COL4A4: variants seen among roughly 807,000 people sequenced by gnomAD.
The protein encoded by COL4A4 is collagen type IV alpha 4 chain.
A neutral mutation model predicts 192.9 loss-of-function variants in COL4A4; 105 were observed. The observed-to-expected ratio is 0.54, with a 90% CI of 0.46 to 0.64. The LOEUF is 0.64. Among genes scored for constraint, COL4A4 ranks in the 30% least tolerant of loss-of-function variants. The pLI, the probability that COL4A4 is intolerant of heterozygous loss-of-function variation, is 0.00. For synonymous variants in COL4A4, 762 were observed against 769.9 expected, an observed-to-expected ratio of 0.99 and a Z score of 0.17; for missense variants, 1,967 against 2,169.3, an observed-to-expected ratio of 0.91 and a Z score of 1.85.
intron 1 of COL4A4, among the ~76,000 whole-genome samples, chr2:227,162,834 A>G (rs1336359843): frequency 6.6e-6 from 1 of 152,230 alleles, no homozygotes; most frequent in Non-Finnish European, 1.5e-5. Context: ...ATTCTAATGC[A>G]CAACGATAGT....
At chr2:227,089,588 C>CACATATATATAT (rs2059785649) in intron 21 of COL4A4, among the ~76,000 whole-genome samples, 1 of 102,228 alleles carries the variant, frequency 9.8e-6, no homozygotes, top group Non-Finnish European at 2.0e-5. Flanking sequence ...GCAAATGTTC[C>CACATATATATAT]ATATATATAT....
intron 19 of COL4A4, among the ~76,000 whole-genome samples, chr2:227,096,527 A>C (rs373755188): frequency 1.3e-5 from 2 of 152,228 alleles, no homozygotes; most frequent in African/African-American, 4.8e-5. Flanking sequence ...AATCCTGCAA[A>C]GTTTATACCT....
intron 20 of COL4A4, among the ~76,000 whole-genome samples, chr2:227,091,291 GATATAGATATAA>G (rs1294617456): frequency 1.1e-4 from 16 of 148,596 alleles, no homozygotes; most frequent in African/African-American, 3.6e-4. Context: ...TATAGATATA[GATATAGATATAA>G]ATAGATCATG....
intron 1 of COL4A4, among the ~76,000 whole-genome samples, chr2:227,152,654 C>T (rs533761969): frequency 4.5e-4 from 68 of 152,330 alleles, no homozygotes; most frequent in African/African-American, 1.6e-3. Flanking sequence ...TTGCAGTTCG[C>T]AAAGTGCAGC....
intron 22 of COL4A4, 141 bp downstream of exon 22, chr2:227,088,512 C>T (rs980210016): frequency 9.1e-7 from 1 of 1,100,296 alleles, no homozygotes; most frequent in African/African-American, 1.5e-5. Flanking sequence ...GAGGCCTCCC[C>T]ACCCATACAG....
chr2:226,970,589 C>T, the COL4A4 span, among the ~76,000 whole-genome samples: 2 of 152,208 alleles, frequency 1.3e-5, no homozygotes, highest in African/African-American at 4.8e-5. Context: ...GCTGCTCAGG[C>T]AGCAGGTGTG....
intron 4 of COL4A4, among the ~76,000 whole-genome samples, chr2:227,133,191 A>G (rs1022492560): frequency 6.6e-6 from 1 of 152,174 alleles, no homozygotes; most frequent in Non-Finnish European, 1.5e-5. Flanking sequence ...TGAGGAGACC[A>G]AAGGCCCTGT....
At chr2:227,058,405 G>A (rs1440288430) in intron 28 of COL4A4, among the ~76,000 whole-genome samples, 1 of 152,158 alleles carries the variant, frequency 6.6e-6, no homozygotes, top group Non-Finnish European at 1.5e-5. Flanking sequence ...AAGTGAGATA[G>A]TCGGATTACT....
chr2:226,976,365 C>T, the COL4A4 span, among the ~76,000 whole-genome samples: 29 of 151,038 alleles, frequency 1.9e-4, no homozygotes, highest in African/African-American at 6.3e-4. Context: ...CAAGTCGAGA[C>T]GTCTGCTTCA....
At chr2:227,153,704 C>G (rs1009739072) in intron 1 of COL4A4, among the ~76,000 whole-genome samples, 1 of 151,802 alleles carries the variant, frequency 6.6e-6, no homozygotes, top group African/African-American at 2.4e-5. Context: ...ATACCCTGAC[C>G]GTAGAATTGG....
At position 227,121,144 on chromosome 2, in the gene COL4A4, G is replaced by A. The variant is rs1182359031; in HGVS notation, c.197C>T (p.Pro66Leu). ...ACCCTGTGGCCCTGGTGGTCCTGGTGGACCCTGAGAAGGAAGATTAAAAAG... is the reference window on the plus strand; with the variant it reads ...ACCCTGTGGCCCTGGTGGTCCTGGTAGACCCTGAGAAGGAAGATTAAAAAG... ...HCVPEKGSRG[P>L]PGPPGPQGPI... The change falls in exon 5 of 48, where the codon CCA becomes CTA. Residue 66 changes from proline to leucine, a missense_variant. Coordinates refer to ENST00000396625, the MANE Select transcript of COL4A4 (RefSeq NM_000092.5). The A allele has an allele frequency of 1.2e-6, 2 of 1,614,014 alleles. No homozygotes were observed. The highest frequency in any genetic ancestry group is 2.7e-5 in the African/African-American group (2 of 75,026).
the COL4A4 span, chr2:226,988,627 T>A: frequency 1.5e-6 from 2 of 1,344,254 alleles, no homozygotes; most frequent in Non-Finnish European, 1.9e-6. Context: ...AGCAGACACA[T>A]TGGCCCTGGA....
chr2:227,027,145 T>C (rs1949807), intron 42 of COL4A4, among the ~76,000 whole-genome samples: 70,935 of 151,286 alleles, frequency 0.47, 16,827 homozygotes, highest in South Asian at 0.55. Flanking sequence ...TCCTAGATAC[T>C]TGAGTTTGAG....
rs2063415560 is a variant in COL4A4 at position 227,144,485 on chromosome 2, C to T, written c.114+31G>A. ...ATGCATTCTATAAAGTGAATTTTCA[C>T]AACGCAACCAGAGCTAGTGAATGTA... is the stretch of plus-strand genomic sequence containing the variant. On this transcript the variant is annotated intron_variant, in intron 3 of 47. Coordinates refer to ENST00000396625, the MANE Select transcript of COL4A4 (RefSeq NM_000092.5). 4 of 1,589,948 alleles carry T rather than the reference C, an allele frequency of 2.5e-6. No individual in the cohort carries two copies. The East Asian group carries it at 6.7e-5, about 27-fold the overall frequency.
intron 16 of COL4A4, 72 bp downstream of exon 16, chr2:227,101,792 CA>C: frequency 8.0e-7 from 1 of 1,252,694 alleles, no homozygotes. Context: ...CGCAACAGTA[CA>C]ACTTCTGAAT....
the COL4A4 span, chr2:226,996,820 T>C: frequency 6.6e-5 from 10 of 152,346 alleles, 1 homozygote; most frequent in South Asian, 2.1e-3. Flanking sequence ...GGAAAACATA[T>C]TTAATAACAT....
At chr2:227,058,962 C>T (rs143133867) in intron 28 of COL4A4, among the ~76,000 whole-genome samples, 212 of 152,230 alleles carry the variant, frequency 1.4e-3, no homozygotes, top group African/African-American at 4.6e-3. Flanking sequence ...GTCTCTTGTG[C>T]GAAGACAGCT....
intron 4 of COL4A4, among the ~76,000 whole-genome samples, chr2:227,139,695 C>T (rs1405010709): frequency 1.3e-5 from 2 of 152,194 alleles, no homozygotes; most frequent in Non-Finnish European, 2.9e-5. Context: ...TGGCACATAA[C>T]AAGCATACAA....
intron 8 of COL4A4, among the ~76,000 whole-genome samples, chr2:227,113,314 A>T (rs1017106621): frequency 6.6e-6 from 1 of 152,176 alleles, no homozygotes; most frequent in Non-Finnish European, 1.5e-5. Context: ...ATTGATCTAC[A>T]GGTCATTTTT....
Sources: gnomAD v4.1 joint callset for allele counts (sites outside exome capture counted in the v4.1 genomes callset) on GRCh38, gnomAD v4.1.1 for gene constraint, MANE v1.5 for transcripts, NCBI Gene and HGNC (gene_info 2026-07-23, HGNC 2026-07-21) for gene names.